PRKCSH: variants seen among roughly 807,000 people sequenced by gnomAD.
The protein encoded by PRKCSH is PRKCSH beta subunit of glucosidase II, also known as glucosidase 2 subunit beta.
PRKCSH carries 42 observed loss-of-function variants against 79.7 expected under a neutral mutation model. The observed-to-expected ratio is 0.53, with a 90% CI of 0.41 to 0.68. PRKCSH has a LOEUF of 0.68. PRKCSH is among the 30% of genes least tolerant of loss of function. The pLI is 0.00. For synonymous variants in PRKCSH, 325 were observed against 288.2 expected (o/e 1.13, Z -1.29); for missense variants, 686 against 709.0 (o/e 0.97, Z 0.37).
intron 3 of PRKCSH, 164 bp downstream of exon 3, chr19:11,436,669 G>T: frequency 1.5e-6 from 1 of 660,956 alleles, no homozygotes; most frequent in South Asian, 1.6e-5. Flanking sequence ...AGCTGGAGGA[G>T]CCCAGAGTCG....
intron 7 of PRKCSH, 57 bp from the exon 8 acceptor site, chr19:11,445,331 CG>C: frequency 6.4e-7 from 1 of 1,556,276 alleles, no homozygotes. Flanking sequence ...CTGTGGGGTG[CG>C]GGGGCTGATG....
At chr19:11,445,067 A>G (rs1970231776) in intron 7 of PRKCSH, among the ~76,000 whole-genome samples, 1 of 151,808 alleles carries the variant, frequency 6.6e-6, no homozygotes, top group African/African-American at 2.4e-5. Flanking sequence ...CCTCTGTCCC[A>G]ACAGTGGCCT....
In PRKCSH at chr19:11,449,003, C is replaced by T. The variant is rs777836156; in HGVS notation, c.1361+15C>T. The T allele has an allele frequency of 1.2e-6, 2 of 1,613,320 alleles. No individual in the cohort carries two copies. The highest frequency in any genetic ancestry group is 2.2e-5 in the South Asian group (2 of 91,088). On this transcript the variant is annotated intron_variant, in intron 15 of 17. Coordinates refer to ENST00000677123, the MANE Select transcript of PRKCSH (RefSeq NM_001289104.2). The surrounding 1 kb of genome is among the most constrained non-coding windows in gnomAD (Gnocchi z 6.4). The stretch of plus-strand genomic sequence containing the variant: ...ACCAGCCTTGGGTGAGTGGCTTGGG[C>T]TGGCCCCTTCCCTCTGCCTCCTCCT...
intron 3 of PRKCSH, among the ~76,000 whole-genome samples, chr19:11,437,058 C>G (rs940576859): frequency 2.0e-5 from 3 of 150,902 alleles, no homozygotes; most frequent in Non-Finnish European, 4.4e-5. Context: ...TGTTTTGAGA[C>G]GGAGTCTTGC....
At position 11,450,688 on chromosome 19, in the gene PRKCSH, C is replaced by G. The variant is rs900814440; in HGVS notation, c.*59C>G. The G allele has an allele frequency of 6.6e-6, 1 of 152,376 alleles. No homozygotes were observed. Among genetic ancestry groups the G allele is most frequent in the African/African-American group, 2.4e-5 (1 of 41,474 alleles). 9.4% of individuals were successfully genotyped at this position (152,376 alleles called of 1,614,324 possible). On this transcript the variant is annotated 3_prime_UTR_variant, in exon 18 of 18. Transcript: ENST00000677123. Reference sequence around the variant, plus strand: ...AAGCCAGCCCCTGCAGTGCCGTCCACCCGCCCCTCTGGGCCTGCCTGTGGC... The same window carrying G: ...AAGCCAGCCCCTGCAGTGCCGTCCAGCCGCCCCTCTGGGCCTGCCTGTGGC...
At position 11,437,860 on chromosome 19, in the gene PRKCSH, C is replaced by T. The variant is rs1969851896; in HGVS notation, c.197-16C>T. ...TGAGCTGACTCCGAAAACCTTCCCTCCCTTCTTCCTCACAGGCACGGCTGC... is the reference window on the plus strand; with the variant it reads ...TGAGCTGACTCCGAAAACCTTCCCTTCCTTCTTCCTCACAGGCACGGCTGC... On this transcript the variant is annotated splice_polypyrimidine_tract_variant and intron_variant, in intron 3 of 17. Transcript: ENST00000677123. 3 of 1,612,842 alleles carry T rather than the reference C, an allele frequency of 1.9e-6. No homozygotes were observed. The highest frequency in any genetic ancestry group is 2.7e-5 in the African/African-American group (2 of 74,916).
rs45626947 is a variant in PRKCSH at position 11,448,674 on chromosome 19, C to T, written c.1286+45C>T. The T allele has an allele frequency of 0.056, 87,637 of 1,563,038 alleles. 2,792 individuals are homozygous for T. Among genetic ancestry groups the T allele is most frequent in the Admixed American group, 0.14 (8,190 of 59,912 alleles). On this transcript the variant is annotated intron_variant, in intron 14 of 17. Coordinates refer to ENST00000677123, the MANE Select transcript of PRKCSH (RefSeq NM_001289104.2). The surrounding 1 kb of genome is among the most constrained non-coding windows in gnomAD (Gnocchi z 4.4). The stretch of plus-strand genomic sequence containing the variant: ...GGGCCCCCACTGGCAGGGTGGGAGG[C>T]GGGTGGCCCCGGAAGTGGCACCGGC...
At chr19:11,436,648 T>C (rs1231463036) in intron 3 of PRKCSH, 143 bp downstream of exon 3, 12 of 758,878 alleles carry the variant, frequency 1.6e-5, no homozygotes, top group Non-Finnish European at 2.7e-5. Context: ...GTCAGTGTTA[T>C]GGCCCCGGGC....
At chr19:11,437,332 C>CAGG (rs1258106189) in intron 3 of PRKCSH, among the ~76,000 whole-genome samples, 2 of 151,046 alleles carry the variant, frequency 1.3e-5, no homozygotes. Flanking sequence ...GCCACCGTAC[C>CAGG]TGGCCTTGTT....
rs900814440 is a variant in PRKCSH, at chr19:11,450,688, C to T, written c.*59C>T. ...AAGCCAGCCCCTGCAGTGCCGTCCA[C>T]CCGCCCCTCTGGGCCTGCCTGTGGC... is the stretch of plus-strand genomic sequence containing the variant. On this transcript the variant is annotated 3_prime_UTR_variant, in exon 18 of 18. Coordinates refer to ENST00000677123, the MANE Select transcript of PRKCSH (RefSeq NM_001289104.2). The T allele has an allele frequency of 8.5e-5, 13 of 152,376 alleles. No homozygotes were observed. Among genetic ancestry groups the T allele is most frequent in the African/African-American group, 2.7e-4 (11 of 41,474 alleles). The allele number at this position is 152,376 out of a possible 1,614,324, so 9.4% of individuals were successfully genotyped here.
chr19:11,447,804 G>A lies in PRKCSH; in HGVS notation c.1126+15G>A, dbSNP rs370151637. The A allele has an allele frequency of 6.4e-7, 1 of 1,551,984 alleles. No individual in the cohort carries two copies. Among genetic ancestry groups the A allele is most frequent in the South Asian group, 1.2e-5 (1 of 83,578 alleles). ...CTTCATCGATGGTGAGGGTGGGCGG[G>A]GGCCAGGCTCCTCGGGTGGGCCCAG... is the stretch of plus-strand genomic sequence containing the variant. On this transcript the variant is annotated intron_variant, in intron 12 of 17. Coordinates refer to ENST00000677123, the MANE Select transcript of PRKCSH (RefSeq NM_001289104.2). The surrounding 1 kb of genome is among the most constrained non-coding windows in gnomAD (Gnocchi z 5.6).
chr19:11,439,915 G>T (rs937079453), intron 5 of PRKCSH, among the ~76,000 whole-genome samples: 2 of 151,570 alleles, frequency 1.3e-5, no homozygotes, highest in African/African-American at 4.8e-5. Flanking sequence ...CACCATGCCC[G>T]GCTGAAAATT....
Position 11,445,490 on chromosome 19 carries a change from TG to T in PRKCSH, c.683+19del, listed in dbSNP as rs1179140459. The T allele has an allele frequency of 1.9e-6, 3 of 1,612,764 alleles. No homozygotes were observed. The African/African-American group carries it at 4.0e-5, about 22-fold the overall frequency. The stretch of plus-strand genomic sequence containing the variant: ...GGACGGGACGTGAGTGTCCCCTAGT[TG>T]GAGCTGCCCACCTTTCCGTGGGCCT... On this transcript the variant is annotated intron_variant, in intron 8 of 17. Transcript: ENST00000677123.
chr19:11,448,063 G>C lies in PRKCSH; in HGVS notation c.1127-159G>C. ...CTGGGAGCCTGGGCAGCAAGTCGGG[G>C]CTGCTCTATAGCTGGTGAGGCCCTC... On this transcript the variant is annotated intron_variant, in intron 12 of 17. Coordinates refer to ENST00000677123, the MANE Select transcript of PRKCSH (RefSeq NM_001289104.2). This position sits in a 1 kb window ranked among gnomAD's most constrained non-coding sequence, Gnocchi z 4.4. The C allele has an allele frequency of 1.2e-6, 1 of 846,544 alleles. No homozygotes were observed. Among genetic ancestry groups the C allele is most frequent in the South Asian group, 1.6e-5 (1 of 64,152 alleles). The allele number at this position is 846,544 out of a possible 1,614,324, so 52.4% of individuals were successfully genotyped here. A position where few individuals can be genotyped will look rare whatever the true frequency, so the allele number is the denominator to read the frequency against.
rs775345936 is a variant in PRKCSH, at chr19:11,447,632, G to A, written c.1029+14G>A. ...GAGCAGCCCAAGGTCCGTGTTTGGG[G>A]GAGAAGTGGAGACAGAGAGGGTGGG... On this transcript the variant is annotated intron_variant, in intron 11 of 17. Coordinates refer to ENST00000677123, the MANE Select transcript of PRKCSH (RefSeq NM_001289104.2). The surrounding 1 kb of genome is among the most constrained non-coding windows in gnomAD (Gnocchi z 5.6). 1 of 1,576,756 alleles carries A rather than the reference G, an allele frequency of 6.3e-7. No individual in the cohort carries two copies. Among genetic ancestry groups the A allele is most frequent in the Admixed American group, 1.8e-5 (1 of 54,146 alleles).
Position 11,445,470 on chromosome 19 carries a change from G to A in PRKCSH, c.680G>A (p.Gly227Glu), listed in dbSNP as rs1351041346. 2 of 1,613,720 alleles carry A rather than the reference G, an allele frequency of 1.2e-6. No individual in the cohort carries two copies. Among genetic ancestry groups the A allele is most frequent in the Non-Finnish European group, 1.7e-6 (2 of 1,179,872 alleles). Residue 227 changes from glycine to glutamate, a missense_variant, in exon 8 of 18, where the codon GGG becomes GAG. Around this residue, in one of 2 missense-constraint regions of PRKCSH, gnomAD observed 549 missense variants for 520.2 expected, o/e 1.06. Coordinates refer to ENST00000677123, the MANE Select transcript of PRKCSH (RefSeq NM_001289104.2). ...AFKELDDDMDGTVSVTELQTH... is the reference protein window; with the variant it reads ...AFKELDDDMDETVSVTELQTH... ...AAGGAGCTGGATGATGACATGGACGGGACGTGAGTGTCCCCTAGTTGGAGC... is the reference window on the plus strand; with the variant it reads ...AAGGAGCTGGATGATGACATGGACGAGACGTGAGTGTCCCCTAGTTGGAGC...
At chr19:11,446,962 AGGGCCCG>A (rs1970333962) in intron 9 of PRKCSH, 105 bp from the exon 10 acceptor site, 1 of 1,168,224 alleles carries the variant, frequency 8.6e-7, no homozygotes, top group East Asian at 2.4e-5. Context: ...CCTGGTCATC[AGGGCCCG>A]GGGCCCAGCC....
In PRKCSH at chr19:11,449,065, G is replaced by A; in HGVS notation, c.1362-11G>A. 1 of 1,613,370 alleles carries A rather than the reference G, an allele frequency of 6.2e-7. No individual in the cohort carries two copies. The highest frequency in any genetic ancestry group is 8.5e-7 in the Non-Finnish European group (1 of 1,180,008). On this transcript the variant is annotated splice_polypyrimidine_tract_variant and intron_variant, in intron 15 of 17. Coordinates refer to ENST00000677123, the MANE Select transcript of PRKCSH (RefSeq NM_001289104.2). This position sits in a 1 kb window ranked among gnomAD's most constrained non-coding sequence, Gnocchi z 6.4. ...ACCGGCCCAGCCCTCAGCACCCTGTGTCTCTCACAGCACCTGGGGCTCATG... is the reference window on the plus strand; with the variant it reads ...ACCGGCCCAGCCCTCAGCACCCTGTATCTCTCACAGCACCTGGGGCTCATG...
At chr19:11,442,614 G>A (rs1326252199) in intron 7 of PRKCSH, 99 bp downstream of exon 7, 11 of 1,532,456 alleles carry the variant, frequency 7.2e-6, no homozygotes, top group Non-Finnish European at 9.7e-6. Context: ...GTTTCAGCAG[G>A]TTTTTGATCA....
Sources: gnomAD v4.1 joint callset for allele counts (sites outside exome capture counted in the v4.1 genomes callset) on GRCh38, gnomAD v4.1.1 for gene constraint, gnomAD v4.1.1 regional missense constraint, Gnocchi (gnomAD v3.1) non-coding constraint, MANE v1.5 for transcripts, NCBI Gene and HGNC (gene_info 2026-07-23, HGNC 2026-07-21) for gene names.